The following ARFGEF2 variants were observed in gnomAD, a reference collection of about 807,000 sequenced individuals.
ARFGEF2 encodes the protein ARF guanine nucleotide exchange factor 2.
ARFGEF2 carries 74 observed loss-of-function variants against 219.9 expected under a neutral mutation model. That is an observed-to-expected ratio of 0.34 (90% CI 0.28 to 0.41). The LOEUF is 0.41. Ranked by LOEUF, ARFGEF2 falls within the 10% of genes least tolerant of loss-of-function variation. ARFGEF2 has a pLI of 1.00. For missense variants in ARFGEF2, 1,743 were observed against 2,218.3 expected, an observed-to-expected ratio of 0.79 and a Z score of 4.30; for synonymous variants, 733 against 799.2, an observed-to-expected ratio of 0.92 and a Z score of 1.40.
chr20:48,959,790 G>A (rs542129064), intron 6 of ARFGEF2, among the ~76,000 whole-genome samples: 95 of 151,638 alleles, frequency 6.3e-4, no homozygotes, highest in Non-Finnish European at 1.1e-3. Flanking sequence ...TGTAGAGATG[G>A]GGTTTTGCTG....
At chr20:48,974,737 T>G in intron 12 of ARFGEF2, 29 bp from the exon 13 acceptor site, 5 of 1,577,826 alleles carry the variant, frequency 3.2e-6, no homozygotes, top group Non-Finnish European at 4.3e-6. Flanking sequence ...TTCTGTTAAG[T>G]CTCTTTCCTG....
chr20:48,977,654 T>C (rs140692673), intron 14 of ARFGEF2, among the ~76,000 whole-genome samples: 1,759 of 152,364 alleles, frequency 0.012, 32 homozygotes, highest in Middle Eastern at 0.024. Flanking sequence ...TCCTGACTTT[T>C]TAATGATCGC....
In ARFGEF2 at chr20:48,985,600, G is replaced by C; in HGVS notation, c.2263G>C (p.Glu755Gln). ...LMEKFAARYI[E>Q]CNQGQTLFAS... ...GGAGAAGTTTGCCGCAAGATACATAGAATGCAACCAAGGGTGAGCGCCGAT... is the reference window on the plus strand; with the variant it reads ...GGAGAAGTTTGCCGCAAGATACATACAATGCAACCAAGGGTGAGCGCCGAT... Residue 755 changes from glutamate (E) to glutamine (Q), a missense_variant, in exon 16 of 39, where the codon GAA becomes CAA. Transcript: ENST00000371917. 6.2e-7 allele frequency: 1 copy of C among 1,614,160 alleles called. No homozygotes were observed.
Position 48,998,482 on chromosome 20 carries a change from G to A in ARFGEF2, c.3409G>A (p.Val1137Met). ...IRLQWSRIWH[V>M]IGDHFNKVGC... ...ACTACAGTGGTCTCGAATATGGCAT[G>A]TGATTGGAGATCACTTCAATAAGGT... The change falls in exon 25 of 39, where the codon GTG (valine) becomes ATG (methionine). Residue 1137 changes from valine (V) to methionine (M), a missense_variant. By Grantham distance (21) the Val-to-Met change is conservative (BLOSUM62 1). Around this residue, in one of 5 missense-constraint regions of ARFGEF2, gnomAD observed 102 missense variants for 146.8 expected, o/e 0.69. Coordinates refer to ENST00000371917, the MANE Select transcript of ARFGEF2 (RefSeq NM_006420.3). 6.2e-7 allele frequency: 1 copy of A among 1,613,398 alleles called. No homozygotes were observed. Among genetic ancestry groups the A allele is most frequent in the Non-Finnish European group, 8.5e-7 (1 of 1,179,918 alleles).
intron 3 of ARFGEF2, among the ~76,000 whole-genome samples, chr20:48,942,387 C>T (rs1253580902): frequency 6.6e-6 from 1 of 151,682 alleles, no homozygotes; most frequent in Non-Finnish European, 1.5e-5. Context: ...TGGCCTCAAG[C>T]AGTCCTACCA....
rs377485352 is a variant in ARFGEF2 at position 48,988,521 on chromosome 20, A to G, written c.2392A>G (p.Ile798Val). ...VKNKMTKEQY[I>V]KMNRGINDSK... is the part of the protein sequence containing the mutation. ...AAATAAAATGACGAAAGAGCAGTAT[A>G]TTAAAATGAATCGGGGTATCAATGA... is the stretch of plus-strand genomic sequence containing the variant. The change falls in exon 18 of 39, where the codon ATT becomes GTT. Residue 798 changes from isoleucine to valine, a missense_variant. Transcript: ENST00000371917. 1.2e-6 allele frequency: 2 copies of G among 1,613,450 alleles called. No individual in the cohort carries two copies. The highest frequency in any genetic ancestry group is 1.3e-5 in the African/African-American group (1 of 74,902).
Position 48,952,795 on chromosome 20 carries a change from G to A in ARFGEF2, c.514G>A (p.Ala172Thr). 1.2e-6 allele frequency: 2 copies of A among 1,614,148 alleles called. No individual in the cohort carries two copies. The highest frequency in any genetic ancestry group is 1.7e-6 in the Non-Finnish European group (2 of 1,180,032). The change falls in exon 5 of 39, where the codon GCC becomes ACC. Residue 172 changes from alanine to threonine, a missense_variant. This residue lies in a region of ARFGEF2 where 394 missense variants were observed against 426.6 expected (regional missense o/e 0.92). Transcript: ENST00000371917. Reference sequence around the variant, plus strand: ...GAGAACATGTTACAATATCTATTTGGCCAGCAAAAATCTCATCAATCAAAC... The same window carrying A: ...GAGAACATGTTACAATATCTATTTGACCAGCAAAAATCTCATCAATCAAAC... ...TVRTCYNIYL[A>T]SKNLINQTTA... is the part of the protein sequence containing the mutation.
chr20:49,024,231 C>T lies in ARFGEF2; in HGVS notation c.4755+1050C>T, dbSNP rs188459162. On this transcript the variant is annotated intron_variant, in intron 35 of 38. Coordinates refer to ENST00000371917, the MANE Select transcript of ARFGEF2 (RefSeq NM_006420.3). ...CAAGCAATCTGCCCACCTCAGCCTC[C>T]CAAAGTGTTGGGATTGCAGGCGTGC... 1.9e-3 allele frequency among the ~76,000 whole-genome samples: 285 copies of T among 152,300 alleles called. 1 individual carries two copies. The highest frequency in any genetic ancestry group is 6.5e-3 in the African/African-American group (272 of 41,568).
chr20:49,016,575 C>G (rs953751355), intron 31 of ARFGEF2, among the ~76,000 whole-genome samples, 160 bp downstream of exon 31: 1 of 151,904 alleles, frequency 6.6e-6, no homozygotes, highest in Non-Finnish European at 1.5e-5. Flanking sequence ...AAACAGTGCC[C>G]CCCCCAAGTC....
intron 25 of ARFGEF2, chr20:48,999,298 T>C: frequency 2.3e-6 from 1 of 437,850 alleles, no homozygotes; most frequent in Non-Finnish European, 4.5e-6. Context: ...ATCTGGGTTC[T>C]AAAACTGACA....
intron 1 of ARFGEF2, among the ~76,000 whole-genome samples, chr20:48,930,494 G>A (rs1391733004): frequency 6.6e-6 from 1 of 152,236 alleles, no homozygotes; most frequent in Admixed American, 6.5e-5. Context: ...AAAACCTTGT[G>A]ATGGAGCGAG....
At chr20:48,963,109 G>A (rs567991385) in intron 6 of ARFGEF2, among the ~76,000 whole-genome samples, 1 of 150,610 alleles carries the variant, frequency 6.6e-6, no homozygotes, top group Admixed American at 6.6e-5. Flanking sequence ...CAAGGAGGTG[G>A]AGGTTGCAGT....
intron 25 of ARFGEF2, among the ~76,000 whole-genome samples, chr20:49,000,533 C>G (rs779580781): frequency 6.6e-6 from 1 of 152,208 alleles, no homozygotes; most frequent in Non-Finnish European, 1.5e-5. Context: ...ACTAACTCAG[C>G]ACCATCTTAC....
rs1036508139 is a variant in ARFGEF2 at position 49,017,391 on chromosome 20, A to C, written c.4454+4A>C. 1 of 1,613,944 alleles carries C rather than the reference A, an allele frequency of 6.2e-7. No homozygotes were observed. Among genetic ancestry groups the C allele is most frequent in the African/African-American group, 1.3e-5 (1 of 74,942 alleles). On this transcript the variant is annotated splice_donor_region_variant and intron_variant, in intron 32 of 38. Coordinates refer to ENST00000371917, the MANE Select transcript of ARFGEF2 (RefSeq NM_006420.3). ...TCAAAACAACCATCCCACATGTGTA[A>C]GTGTTCATGCAGTTGTTCCCGTTTA...
At chr20:48,963,101 A>T (rs1568708259) in intron 6 of ARFGEF2, among the ~76,000 whole-genome samples, 1 of 150,110 alleles carries the variant, frequency 6.7e-6, no homozygotes, top group Non-Finnish European at 1.5e-5. Context: ...GCTTGAGCCA[A>T]GGAGGTGGAG....
intron 4 of ARFGEF2, 152 bp downstream of exon 4, chr20:48,951,621 T>A (rs2091071504): frequency 9.1e-7 from 1 of 1,101,434 alleles, no homozygotes; most frequent in Non-Finnish European, 1.3e-6. Context: ...TTGTTAGGTG[T>A]CAGAATTTAT....
intron 9 of ARFGEF2, 148 bp downstream of exon 9, chr20:48,969,425 C>T: frequency 7.0e-7 from 1 of 1,421,098 alleles, no homozygotes; most frequent in South Asian, 1.2e-5. Flanking sequence ...ACTTTTCAGA[C>T]TCATGCAGTC....
chr20:48,998,628 G>A, intron 25 of ARFGEF2, 123 bp downstream of exon 25: 1 of 979,824 alleles, frequency 1.0e-6, no homozygotes, highest in African/African-American at 1.6e-5. Context: ...CATTTTCCCT[G>A]TGCAGTCAAG....
intron 1 of ARFGEF2, 44 bp downstream of exon 1, chr20:48,922,054 G>A (rs1386206960): frequency 6.5e-7 from 1 of 1,549,746 alleles, no homozygotes. Context: ...GCCTCAGCAC[G>A]TCGGCCGTTG....
Sources: allele counts gnomAD v4.1 joint callset (sites outside exome capture counted in the v4.1 genomes callset), GRCh38; gene constraint gnomAD v4.1.1; regional missense constraint gnomAD v4.1.1; transcripts MANE v1.5; gene names NCBI Gene and HGNC (gene_info 2026-07-23, HGNC 2026-07-21).